Variants in BTBD9 observed in about 807,000 individuals in gnomAD.
BTBD9 encodes BTB domain containing 9, also known as BTB/POZ domain-containing protein 9.
A neutral mutation model predicts 64.3 loss-of-function variants in BTBD9; 49 were observed. The ratio of observed to expected loss-of-function variants is 0.76; its 90% CI spans 0.61 to 0.97. The LOEUF (loss-of-function observed/expected upper bound fraction) is 0.97, where lower values mean the gene tolerates loss of function less well. Among genes scored for constraint, BTBD9 ranks in the 50% least tolerant of loss-of-function variants. The pLI is 0.00. For missense variants in BTBD9, 598 were observed against 762.1 expected (o/e 0.78, Z 2.53); for synonymous variants, 260 against 274.7 (o/e 0.95, Z 0.53).
chr6:38,271,817 A>T (rs1455984370), intron 8 of BTBD9, among the ~76,000 whole-genome samples: 1 of 152,146 alleles, frequency 6.6e-6, no homozygotes, highest in African/African-American at 2.4e-5. Context: ...CTGTTGTTTC[A>T]AGAGATTTTA....
chr6:38,605,198 C>T (rs1220075632), intron 1 of BTBD9, among the ~76,000 whole-genome samples: 1 of 152,068 alleles, frequency 6.6e-6, no homozygotes, highest in Non-Finnish European at 1.5e-5. Context: ...AGGCGCACAC[C>T]ACTATGCCTG....
chr6:38,601,012 G>A (rs1562403492), intron 1 of BTBD9, among the ~76,000 whole-genome samples: 2 of 152,044 alleles, frequency 1.3e-5, no homozygotes, highest in South Asian at 4.1e-4. Context: ...TTCTCAATGA[G>A]CTTGCCCAAC....
At chr6:38,364,378 A>T (rs995163302) in intron 6 of BTBD9, among the ~76,000 whole-genome samples, 1 of 152,242 alleles carries the variant, frequency 6.6e-6, no homozygotes, top group African/African-American at 2.4e-5. Context: ...TGATGTCATC[A>T]TGCATCTGCA....
chr6:38,376,142 T>C (rs947668465), intron 6 of BTBD9, among the ~76,000 whole-genome samples: 2 of 151,712 alleles, frequency 1.3e-5, no homozygotes, highest in Non-Finnish European at 2.9e-5. Context: ...CCATGTGGCA[T>C]TTTTTTCCCC....
chr6:38,330,087 C>A (rs1313555159), intron 7 of BTBD9, among the ~76,000 whole-genome samples: 1 of 150,338 alleles, frequency 6.7e-6, no homozygotes, highest in Admixed American at 6.6e-5. Context: ...CAGAGTTTGG[C>A]TCTGTCACCC....
At chr6:38,217,813 C>A (rs1251609846) in intron 9 of BTBD9, among the ~76,000 whole-genome samples, 2 of 151,868 alleles carry the variant, frequency 1.3e-5, no homozygotes, top group Admixed American at 1.3e-4. Context: ...GCTGTCACAC[C>A]TGGAAAACCC....
intron 6 of BTBD9, among the ~76,000 whole-genome samples, chr6:38,548,499 T>C (rs1282158298): frequency 1.3e-5 from 2 of 152,206 alleles, no homozygotes; most frequent in Non-Finnish European, 2.9e-5. Flanking sequence ...TTTTTCCTTT[T>C]CCTTTAAAAT....
chr6:38,177,479 T>G (rs1234651024), intron 10 of BTBD9, among the ~76,000 whole-genome samples: 1 of 152,210 alleles, frequency 6.6e-6, no homozygotes, highest in Non-Finnish European at 1.5e-5. Context: ...GCTCGGGTTC[T>G]TGCACAAGAA....
At chr6:38,479,480 T>C (rs1419057349) in intron 6 of BTBD9, among the ~76,000 whole-genome samples, 1 of 152,136 alleles carries the variant, frequency 6.6e-6, no homozygotes, top group Non-Finnish European at 1.5e-5. Context: ...GCAAAGTTAT[T>C]ACAATCTTTG....
Position 38,317,844 on chromosome 6 carries a change from G to C in BTBD9, c.1264+27140C>G, listed in dbSNP as rs183633511. Among the ~76,000 whole-genome samples, 134 of 151,092 alleles carry C rather than the reference G, an allele frequency of 8.9e-4. 1 individual carries two copies. Among genetic ancestry groups the C allele is most frequent in the South Asian group, 1.7e-3 (8 of 4,782 alleles). On this transcript the variant is annotated intron_variant, in intron 7 of 10. Transcript: ENST00000481247. ...TTTCAATCCAGAATTTCTGCTTGAT[G>C]CTTTTTAATTATTTTCTTTGTTAAA...
chr6:38,559,746 C>T (rs1189282208), intron 6 of BTBD9, among the ~76,000 whole-genome samples: 2 of 152,052 alleles, frequency 1.3e-5, no homozygotes, highest in Non-Finnish European at 2.9e-5. Flanking sequence ...CTCAATGGAA[C>T]AAAATTGAGA....
In BTBD9 at chr6:38,573,668, C is replaced by T. The variant is rs183193094; in HGVS notation, c.1154+3932G>A. 1.9e-3 allele frequency among the ~76,000 whole-genome samples: 286 copies of T among 152,284 alleles called. 2 individuals carry two copies. The highest frequency in any genetic ancestry group is 3.4e-3 in the Middle Eastern group (1 of 294). ...AAGATCCCACTTGCAATTCCAGCCA[C>T]CAGTCACATGCACACTTTGAATTCT... On this transcript the variant is annotated intron_variant, in intron 6 of 10. Transcript: ENST00000481247.
intron 6 of BTBD9, among the ~76,000 whole-genome samples, chr6:38,490,842 G>T (rs929310870): frequency 2.6e-5 from 4 of 152,178 alleles, no homozygotes; most frequent in African/African-American, 9.7e-5. Context: ...AGCATGATCT[G>T]GAAAGTCAAA....
chr6:38,323,364 A>C (rs762937604), intron 7 of BTBD9, among the ~76,000 whole-genome samples: 5 of 152,328 alleles, frequency 3.3e-5, no homozygotes, highest in Middle Eastern at 3.4e-3. Context: ...TAGAGCCATA[A>C]AAATCAAACA....
In BTBD9 at chr6:38,174,813, C is replaced by T; in HGVS notation, c.*172G>A. ...GATAAATTGAGAAGAACAAAGCAGC[C>T]CCTTTCTGTCCTTGGGAGAAAACCT... On this transcript the variant is annotated 3_prime_UTR_variant, in exon 11 of 11. Coordinates refer to ENST00000481247, the MANE Select transcript of BTBD9 (RefSeq NM_001099272.2). The T allele has an allele frequency of 1.3e-6, 1 of 743,020 alleles. No homozygotes were observed. Among genetic ancestry groups the T allele is most frequent in the East Asian group, 2.6e-5 (1 of 39,210 alleles). 46.0% of individuals were successfully genotyped at this position (743,020 alleles called of 1,614,324 possible). A position where few individuals can be genotyped will look rare whatever the true frequency, so the allele number is the denominator to read the frequency against.
At chr6:38,497,581 G>A (rs576569003) in intron 6 of BTBD9, among the ~76,000 whole-genome samples, 3 of 152,258 alleles carry the variant, frequency 2.0e-5, no homozygotes, top group East Asian at 3.9e-4. Flanking sequence ...GAAAGAGAAC[G>A]AGAAAGGCAG....
chr6:38,317,069 C>A (rs1336491524), intron 7 of BTBD9, among the ~76,000 whole-genome samples: 1 of 149,580 alleles, frequency 6.7e-6, no homozygotes, highest in Non-Finnish European at 1.5e-5. Flanking sequence ...GATCTCGGCT[C>A]ACTGCAACCT....
intron 6 of BTBD9, among the ~76,000 whole-genome samples, chr6:38,538,073 T>C (rs2127435228): frequency 6.6e-6 from 1 of 152,338 alleles, no homozygotes. Context: ...GATGCAATTG[T>C]TTAATCTGTA....
chr6:38,427,385 G>A (rs559197458), intron 6 of BTBD9, among the ~76,000 whole-genome samples: 1 of 151,926 alleles, frequency 6.6e-6, no homozygotes, highest in Admixed American at 6.5e-5. Context: ...ATTTCATTAG[G>A]TTCTCTGTGA....
Sources: allele counts gnomAD v4.1 joint callset (sites outside exome capture counted in the v4.1 genomes callset), GRCh38; gene constraint gnomAD v4.1.1; transcripts MANE v1.5; gene names NCBI Gene and HGNC (gene_info 2026-07-23, HGNC 2026-07-21).